The following ILDR1 variants were observed in gnomAD, a reference collection of about 807,000 sequenced individuals.
ILDR1 encodes immunoglobulin like domain containing receptor 1.
ILDR1 carries 56 observed loss-of-function variants against 62.4 expected under a neutral mutation model. The observed-to-expected ratio is 0.90, with a 90% confidence interval of 0.72 to 1.12. The LOEUF (loss-of-function observed/expected upper bound fraction) is 1.12. Among genes scored for constraint, ILDR1 ranks in the 50% most tolerant of loss-of-function variants. The pLI is 0.00. For synonymous variants in ILDR1, 284 were observed against 277.8 expected (o/e 1.02, Z -0.22); for missense variants, 736 against 710.6 (o/e 1.04, Z -0.41).
chr3:122,026,504 A>G (rs1333785031), upstream of ILDR1, among the ~76,000 whole-genome samples: 2 of 152,226 alleles, frequency 1.3e-5, no homozygotes, highest in Non-Finnish European at 2.9e-5. Context: ...ACATAAACAT[A>G]TAGAAAGAAT....
At chr3:122,056,589 C>T in the ILDR1 span, among the ~76,000 whole-genome samples, 1 of 152,172 alleles carries the variant, frequency 6.6e-6, no homozygotes, top group Non-Finnish European at 1.5e-5. Flanking sequence ...ACCTCGGCCT[C>T]CCAAAGTGCT....
chr3:122,052,634 C>T, the ILDR1 span, among the ~76,000 whole-genome samples: 3 of 152,102 alleles, frequency 2.0e-5, no homozygotes, highest in South Asian at 2.1e-4. Flanking sequence ...AGTGCAATGG[C>T]GCAATCTCGG....
At chr3:122,044,711 G>C in the ILDR1 span, among the ~76,000 whole-genome samples, 1 of 151,246 alleles carries the variant, frequency 6.6e-6, no homozygotes, top group African/African-American at 2.4e-5. Context: ...GCGTAGAGGT[G>C]TTTGTAGTAT....
the ILDR1 span, among the ~76,000 whole-genome samples, chr3:122,028,730 A>G: frequency 2.7e-4 from 41 of 152,352 alleles, no homozygotes; most frequent in East Asian, 7.7e-3. Context: ...AACAAATGGT[A>G]TTTCATATCC....
At chr3:122,003,615 A>G in intron 3 of ILDR1, among the ~76,000 whole-genome samples, 1 of 152,176 alleles carries the variant, frequency 6.6e-6, no homozygotes, top group African/African-American at 2.4e-5. Context: ...GCATAGGCAA[A>G]AAAGTGTCAG....
chr3:122,045,249 G>C, the ILDR1 span, among the ~76,000 whole-genome samples: 1 of 148,752 alleles, frequency 6.7e-6, no homozygotes. Context: ...TCTTAATCCT[G>C]AGTTCTAGTT....
At position 122,007,120 on chromosome 3, in the gene ILDR1, A is replaced by G. The variant is rs1404622126; in HGVS notation, c.100T>C (p.Tyr34His). The G allele has an allele frequency of 4.3e-6, 7 of 1,614,208 alleles. No homozygotes were observed. Among genetic ancestry groups the G allele is most frequent in the Admixed American group, 3.3e-5 (2 of 60,030 alleles). Residue 34 changes from tyrosine (Y) to histidine (H), a missense_variant, in exon 2 of 8, where the codon TAT becomes CAT. Transcript: ENST00000344209. ...ATGATAGAGGCAAACAGGGTGACAT[A>G]GCGTTCTGTGTGCTGGACCGTCACA... ...LLVTVQHTER[Y>H]VTLFASIILK...
chr3:121,988,412 G>C lies in ILDR1; in HGVS notation c.1600-4C>G, dbSNP rs758118050. 13 of 1,612,302 alleles carry C rather than the reference G, an allele frequency of 8.1e-6. No homozygotes were observed. The highest frequency in any genetic ancestry group is 4.0e-5 in the African/African-American group (3 of 74,820). ...CACTATGAGAGCTGTCTTTCTCCTG[G>C]GAAATAGAAGAATACACACACAAAA... is the stretch of plus-strand genomic sequence containing the variant. On this transcript the variant is annotated splice_region_variant and splice_polypyrimidine_tract_variant and intron_variant, in intron 7 of 7. Transcript: ENST00000344209.
chr3:122,010,713 A>G (rs545786572), intron 1 of ILDR1, among the ~76,000 whole-genome samples: 3 of 152,348 alleles, frequency 2.0e-5, no homozygotes, highest in Admixed American at 2.0e-4. Flanking sequence ...GCAGCCACAG[A>G]TAAGATTTTC....
chr3:121,995,251 G>A (rs769399573), intron 5 of ILDR1, among the ~76,000 whole-genome samples: 7 of 152,286 alleles, frequency 4.6e-5, no homozygotes, highest in African/African-American at 1.2e-4. Flanking sequence ...CGTGTTGGAC[G>A]TGTGCCTGTA....
chr3:122,001,447 C>T lies in ILDR1; in HGVS notation c.507G>A (p.Leu169=). Reference sequence around the variant, plus strand: ...CTCCCAGGATGATGAAGATCACTGTCAGCCAGTCTGCAGGGGAGAAGCCAA... The same window carrying T: ...CTCCCAGGATGATGAAGATCACTGTTAGCCAGTCTGCAGGGGAGAAGCCAA... ...KEVKLIVLHW[L]TVIFIILGAL... is the part of the protein sequence containing the mutation. The change falls in exon 5 of 8, where the codon CTG becomes CTA. Residue 169 remains leucine (L), a synonymous_variant. Coordinates refer to ENST00000344209, the MANE Select transcript of ILDR1 (RefSeq NM_001199799.2). 6.2e-7 allele frequency: 1 copy of T among 1,614,122 alleles called. No individual in the cohort carries two copies. Among genetic ancestry groups the T allele is most frequent in the Non-Finnish European group, 8.5e-7 (1 of 1,180,010 alleles).
rs57138192 is a variant in ILDR1 at position 121,999,656 on chromosome 3, G to C, written c.646+1652C>G. 5.5e-3 allele frequency among the ~76,000 whole-genome samples: 833 copies of C among 152,252 alleles called. 7 individuals are homozygous for C. The highest frequency in any genetic ancestry group is 0.019 in the African/African-American group (802 of 41,550). On this transcript the variant is annotated intron_variant, in intron 5 of 7. Coordinates refer to ENST00000344209, the MANE Select transcript of ILDR1 (RefSeq NM_001199799.2). ...CATCACCTGGAAACTTTTGAGATAA[G>C]AAATACAAATAAAGTTCTAAGCCCC...
At chr3:122,004,532 C>A (rs547827769) in intron 3 of ILDR1, among the ~76,000 whole-genome samples, 1 of 152,176 alleles carries the variant, frequency 6.6e-6, no homozygotes, top group Non-Finnish European at 1.5e-5. Context: ...GATGCACACC[C>A]GCACCTGACT....
At chr3:122,061,530 A>T in the ILDR1 span, among the ~76,000 whole-genome samples, 1 of 152,224 alleles carries the variant, frequency 6.6e-6, no homozygotes, top group Non-Finnish European at 1.5e-5. Flanking sequence ...AAACAATCCA[A>T]TCAGAAAAAT....
chr3:122,032,629 T>C, the ILDR1 span, among the ~76,000 whole-genome samples: 2 of 152,192 alleles, frequency 1.3e-5, no homozygotes. Context: ...TTGCTTCTAG[T>C]ACATAGAATA....
chr3:122,058,443 G>A, the ILDR1 span, among the ~76,000 whole-genome samples: 5 of 152,310 alleles, frequency 3.3e-5, no homozygotes, highest in Non-Finnish European at 7.3e-5. Flanking sequence ...GGAGCAAAGA[G>A]CTAGTGCAAG....
In ILDR1 at chr3:122,000,970, G is replaced by A. The variant is rs192841900; in HGVS notation, c.646+338C>T. On this transcript the variant is annotated intron_variant, in intron 5 of 7. Coordinates refer to ENST00000344209, the MANE Select transcript of ILDR1 (RefSeq NM_001199799.2). ...TCTTACTGGCTTATTTAAACCACTC[G>A]CTCCAGCCCACCTTATGTCTAAATG... Among the ~76,000 whole-genome samples, 26 of 152,224 alleles carry A rather than the reference G, an allele frequency of 1.7e-4. No homozygotes were observed. In the South Asian group the frequency reaches 2.9e-3, roughly 17 times the overall value.
At chr3:122,003,797 A>G (rs887314354) in intron 3 of ILDR1, among the ~76,000 whole-genome samples, 1 of 152,292 alleles carries the variant, frequency 6.6e-6, no homozygotes, top group African/African-American at 2.4e-5. Context: ...AAAAAAAATA[A>G]TAAGAGCAGG....
At chr3:122,001,696 G>A (rs2071529041) in intron 4 of ILDR1, 49 bp downstream of exon 4, 1 of 1,555,490 alleles carries the variant, frequency 6.4e-7, no homozygotes, top group Non-Finnish European at 8.8e-7. Context: ...GTGAGTAAAA[G>A]TGTTACGGCA....
Sources: allele counts gnomAD v4.1 joint callset (sites outside exome capture counted in the v4.1 genomes callset), GRCh38; gene constraint gnomAD v4.1.1; transcripts MANE v1.5; gene names NCBI Gene and HGNC (gene_info 2026-07-23, HGNC 2026-07-21).